The following PROX2 variants were observed in gnomAD, a reference collection of about 807,000 sequenced individuals.
PROX2 encodes the protein prospero homeobox protein 2.
Under a neutral mutation model 48.9 loss-of-function variants are expected in PROX2, and 46 were observed. The observed-to-expected ratio is 0.94, with a 90% CI of 0.74 to 1.20. The LOEUF (loss-of-function observed/expected upper bound fraction) is 1.20, where lower values mean the gene tolerates loss of function less well. PROX2 is among the 50% of genes most tolerant of loss of function. PROX2 has a pLI of 0.00. For missense variants in PROX2, 663 were observed against 719.4 expected (o/e 0.92, Z 0.90); for synonymous variants, 260 against 276.6 (o/e 0.94, Z 0.60).
intron 2 of PROX2, among the ~76,000 whole-genome samples, chr14:74,870,441 TACACACAC>T (rs10525556): frequency 1.8e-5 from 2 of 110,928 alleles, no homozygotes; most frequent in Admixed American, 1.9e-4. Flanking sequence ...AAAAAAAAAA[TACACACAC>T]ACACACACAC....
intron 3 of PROX2, chr14:74,859,104 C>T (rs1161816666): frequency 6.6e-6 from 1 of 152,206 alleles, no homozygotes; most frequent in Non-Finnish European, 1.5e-5. Context: ...AATACCAGCT[C>T]ATATTTTGCT....
In PROX2 at chr14:74,855,232, C is replaced by T. The variant is rs2091733858; in HGVS notation, c.1679G>A (p.Arg560Lys). 3.1e-6 allele frequency: 5 copies of T among 1,594,542 alleles called. No individual in the cohort carries two copies. The highest frequency in any genetic ancestry group is 2.7e-5 in the African/African-American group (2 of 74,740). Residue 560 changes from arginine to lysine, a missense_variant, in exon 6 of 6, where the codon AGA (arginine) becomes AAA (lysine). Coordinates refer to ENST00000556489, the MANE Select transcript of PROX2 (RefSeq NM_001243007.2). ...TTTCTTCCAGGAAGGATCTGAGTCT[C>T]TCCCTGCGGAGACAGCCCTGAAGAA... Reference protein sequence around the residue: ...QEFFRAVSAGRDSDPSWKKPI... With the variant: ...QEFFRAVSAGKDSDPSWKKPI...
In PROX2 at chr14:74,863,553, G is replaced by A. The variant is rs184323713; in HGVS notation, c.282C>T (p.Arg94=). ...PGNAQAGVSP[R]CPKKARERKR... The stretch of plus-strand genomic sequence containing the variant: ...TCCTCTCTCGGGCCTTCTTTGGGCA[G>A]CGTGGGCTGACCCCAGCTTGCGCAT... The change falls in exon 3 of 6, where the codon CGC becomes CGT. Residue 94 remains arginine, a synonymous_variant. Transcript: ENST00000556489. 3.2e-3 allele frequency: 5,128 copies of A among 1,613,464 alleles called. 66 individuals are homozygous for A. The highest frequency in any genetic ancestry group is 0.026 in the Middle Eastern group (158 of 6,062).
At chr14:74,871,686 A>G (rs1377171234) in intron 1 of PROX2, 1 of 152,072 alleles carries the variant, frequency 6.6e-6, no homozygotes, top group Non-Finnish European at 1.5e-5. Context: ...AGGTGGGAGG[A>G]CCTCGAACCC....
intron 3 of PROX2, chr14:74,859,307 T>G (rs1356686773): frequency 6.6e-6 from 1 of 152,218 alleles, no homozygotes; most frequent in East Asian, 1.9e-4. Flanking sequence ...TTATTGGAAT[T>G]TTTACTGTAT....
chr14:74,861,176 A>G (rs1480422482), intron 3 of PROX2: 2 of 1,345,930 alleles, frequency 1.5e-6, no homozygotes, highest in South Asian at 1.1e-5. Context: ...CTGCCCTCAC[A>G]GTAGTTGCCA....
chr14:74,874,027 G>C (rs977128105), intron 1 of PROX2: 1 of 520,938 alleles, frequency 1.9e-6, no homozygotes, highest in Non-Finnish European at 3.9e-6. Context: ...TTATCTAACA[G>C]GATGTCAAGT....
chr14:74,869,786 G>A (rs1337273972), intron 2 of PROX2, among the ~76,000 whole-genome samples: 1 of 152,104 alleles, frequency 6.6e-6, no homozygotes, highest in Non-Finnish European at 1.5e-5. Context: ...ACCTCATTAT[G>A]TGTATTTCTT....
At position 74,862,566 on chromosome 14, in the gene PROX2, A is replaced by C. The variant is rs754981907; in HGVS notation, c.1269T>G (p.His423Gln). 50 of 1,613,808 alleles carry C rather than the reference A, an allele frequency of 3.1e-5. No individual in the cohort carries two copies. Among genetic ancestry groups the C allele is most frequent in the Non-Finnish European group, 3.6e-5 (42 of 1,179,882 alleles). Residue 423 changes from histidine (H) to glutamine (Q), a missense_variant, in exon 3 of 6, where the codon CAT becomes CAG. Transcript: ENST00000556489. Reference sequence around the variant, plus strand: ...AGAAAGGCAGTGCCTCCATGACAGCATGCAGGCCTCTCTGTTCCATCTTCA... The same window carrying C: ...AGAAAGGCAGTGCCTCCATGACAGCCTGCAGGCCTCTCTGTTCCATCTTCA... ...PSVKMEQRGL[H>Q]AVMEALPFSL... is the part of the protein sequence containing the mutation.
chr14:74,854,106 A>G lies in PROX2; in HGVS notation c.*1026T>C. ...ACTGCGGTTCTTCCTTCCCAATTTA[A>G]GCAGCATGGGCCAGATGATCTCCTA... On this transcript the variant is annotated 3_prime_UTR_variant, in exon 6 of 6. Coordinates refer to ENST00000556489, the MANE Select transcript of PROX2 (RefSeq NM_001243007.2). 1 of 250,014 alleles carries G rather than the reference A, an allele frequency of 4.0e-6. No individual in the cohort carries two copies. The highest frequency in any genetic ancestry group is 3.5e-5 in the South Asian group (1 of 28,444). The allele number at this position is 250,014 out of a possible 1,614,324, so 15.5% of individuals were successfully genotyped here.
chr14:74,862,005 C>T (rs1352962023), intron 3 of PROX2, among the ~76,000 whole-genome samples: 1 of 152,042 alleles, frequency 6.6e-6, no homozygotes, highest in Non-Finnish European at 1.5e-5. Context: ...CCCTTTTAGA[C>T]CCAAAGGAAT....
At chr14:74,861,364 T>A in intron 3 of PROX2, 2 of 520,280 alleles carry the variant, frequency 3.8e-6, no homozygotes, top group Non-Finnish European at 6.9e-6. Context: ...TTAGAAGTGG[T>A]CATATGGGTT....
intron 2 of PROX2, among the ~76,000 whole-genome samples, chr14:74,868,846 AAAAT>A (rs1273360036): frequency 6.6e-6 from 1 of 152,138 alleles, no homozygotes; most frequent in African/African-American, 2.4e-5. Flanking sequence ...AAAAAAAAAA[AAAAT>A]AAGATAGTAT....
At chr14:74,865,818 G>T (rs931405791) in intron 2 of PROX2, among the ~76,000 whole-genome samples, 1 of 150,540 alleles carries the variant, frequency 6.6e-6, no homozygotes. Flanking sequence ...GCAACAGAGC[G>T]AGACTCTGTC....
Position 74,855,284 on chromosome 14 carries a change from C to G in PROX2, c.1627G>C (p.Glu543Gln). Residue 543 changes from glutamate (E) to glutamine (Q), a missense_variant, in exon 6 of 6, where the codon GAA (glutamate) becomes CAA (glutamine). Transcript: ENST00000556489. ...TCCTGTAACGTCAAGCTGGCAATTT[C>G]CAAGAAGCAATCTGGAACCTGCATT... The part of the protein sequence containing the change: ...NDFEVPDCFL[E>Q]IASLTLQEFF... The G allele has an allele frequency of 6.4e-7, 1 of 1,555,124 alleles. No individual in the cohort carries two copies.
chr14:74,859,076 AAAC>A (rs2091775121), intron 3 of PROX2: 1 of 152,418 alleles, frequency 6.6e-6, no homozygotes, highest in South Asian at 2.1e-4. Flanking sequence ...TATAACCAGC[AAAC>A]ATCTAAGCAG....
rs1336037944 is a variant in PROX2, at chr14:74,855,121, C to A, written c.*11G>T. 1 of 1,528,196 alleles carries A rather than the reference C, an allele frequency of 6.5e-7. No homozygotes were observed. 94.7% of individuals were successfully genotyped at this position (1,528,196 alleles called of 1,614,324 possible). On this transcript the variant is annotated 3_prime_UTR_variant, in exon 6 of 6. Coordinates refer to ENST00000556489, the MANE Select transcript of PROX2 (RefSeq NM_001243007.2). Reference sequence around the variant, plus strand: ...CACTCCTCACGTTGTGGGATCTTAACCCCGAAACAGCTACTGGGGATAGCT... The same window carrying A: ...CACTCCTCACGTTGTGGGATCTTAAACCCGAAACAGCTACTGGGGATAGCT...
At chr14:74,860,246 T>C (rs1238282593) in intron 3 of PROX2, among the ~76,000 whole-genome samples, 1 of 152,208 alleles carries the variant, frequency 6.6e-6, no homozygotes, top group African/African-American at 2.4e-5. Context: ...ACACATTAAT[T>C]AACATCCACA....
At position 74,853,361 on chromosome 14, in the gene PROX2, C is replaced by T. The variant is rs1322996422; in HGVS notation, c.*1771G>A. ...GTCCGGACACAGAAAACTGATTGCC[C>T]TTGCTCAGAGCACTCCATGCTTGCC... On this transcript the variant is annotated 3_prime_UTR_variant, in exon 6 of 6. Transcript: ENST00000556489. The T allele has an allele frequency of 6.6e-6, 1 of 152,224 alleles. No homozygotes were observed. Among genetic ancestry groups the T allele is most frequent in the Non-Finnish European group, 1.5e-5 (1 of 68,042 alleles). 9.4% of individuals were successfully genotyped at this position (152,224 alleles called of 1,614,324 possible). A position where few individuals can be genotyped will look rare whatever the true frequency, so the allele number is the denominator to read the frequency against.
Sources: gnomAD v4.1 joint callset for allele counts (sites outside exome capture counted in the v4.1 genomes callset) on GRCh38, gnomAD v4.1.1 for gene constraint, MANE v1.5 for transcripts, NCBI Gene and HGNC (gene_info 2026-07-23, HGNC 2026-07-21) for gene names.